PDS5A: variants seen among roughly 807,000 people sequenced by gnomAD.
The protein encoded by PDS5A is sister chromatid cohesion protein PDS5 homolog A.
In PDS5A, 42 loss-of-function variants were observed where a neutral mutation model predicts 167.1. The observed-to-expected ratio is 0.25, with a 90% CI of 0.20 to 0.33. PDS5A has a LOEUF of 0.33. Ranked by LOEUF, PDS5A falls within the 10% of genes least tolerant of loss-of-function variation. PDS5A has a pLI of 1.00. For missense variants in PDS5A, 1,033 were observed against 1,605.9 expected, an observed-to-expected ratio of 0.64 and a Z score of 6.10; for synonymous variants, 553 against 554.6, an observed-to-expected ratio of 1.00 and a Z score of 0.04.
intron 2 of PDS5A, among the ~76,000 whole-genome samples, chr4:39,942,723 C>G (rs1307970987): frequency 6.6e-6 from 1 of 152,118 alleles, no homozygotes; most frequent in Non-Finnish European, 1.5e-5. Context: ...ACTACACCGT[C>G]AACTTCCTCT....
intron 8 of PDS5A, among the ~76,000 whole-genome samples, chr4:39,916,123 G>A (rs1724348438): frequency 6.6e-6 from 1 of 151,820 alleles, no homozygotes; most frequent in Non-Finnish European, 1.5e-5. Context: ...TGTAGTCCCA[G>A]CTCCTCAAGA....
intron 8 of PDS5A, 89 bp downstream of exon 8, chr4:39,916,959 A>T: frequency 1.6e-6 from 1 of 644,340 alleles, no homozygotes; most frequent in Non-Finnish European, 2.4e-6. Flanking sequence ...TGGAAAGTTT[A>T]AAGGGCATGA....
intron 5 of PDS5A, among the ~76,000 whole-genome samples, chr4:39,923,648 C>CAA (rs2109722734): frequency 4.0e-5 from 6 of 151,348 alleles, no homozygotes; most frequent in African/African-American, 1.5e-4. Context: ...AACACACACA[C>CAA]ACACACACAC....
At chr4:39,825,584 C>CA in intron 32 of PDS5A, 96 bp from the exon 33 acceptor site, 3 of 674,510 alleles carry the variant, frequency 4.4e-6, no homozygotes, top group Non-Finnish European at 6.8e-6. Context: ...TATCTAAAAT[C>CA]TTTTTTTTTT....
chr4:39,902,615 C>T (rs1034929010), intron 12 of PDS5A, among the ~76,000 whole-genome samples, 155 bp from the exon 13 acceptor site: 2 of 151,484 alleles, frequency 1.3e-5, no homozygotes. Context: ...CTCTGTCTCG[C>T]AGGTTCAAGC....
chr4:39,877,787 T>C (rs1050186566), intron 18 of PDS5A, among the ~76,000 whole-genome samples: 3 of 152,074 alleles, frequency 2.0e-5, no homozygotes, highest in African/African-American at 7.2e-5. Flanking sequence ...TTGTTTTTTT[T>C]GTAGAGATGA....
At chr4:39,869,269 A>T in intron 22 of PDS5A, 125 bp downstream of exon 22, 1 of 696,882 alleles carries the variant, frequency 1.4e-6, no homozygotes, top group Non-Finnish European at 2.6e-6. Flanking sequence ...CCAGGAGTTC[A>T]AGACCAAACT....
chr4:39,928,061 T>C lies in PDS5A; in HGVS notation c.242A>G (p.Asn81Ser), dbSNP rs1249789969. Residue 81 changes from asparagine (N) to serine (S), a missense_variant, in exon 3 of 33, where the codon AAC becomes AGC. Transcript: ENST00000303538. ...AAGGAGACGCACATCTTTATTGGGG[T>C]TCCTGAGGAAGAATTCAGATGCAAG... ...LHLASEFFLR[N>S]PNKDVRLLVA... The C allele has an allele frequency of 6.2e-7, 1 of 1,613,246 alleles. No homozygotes were observed. Among genetic ancestry groups the C allele is most frequent in the East Asian group, 2.2e-5 (1 of 44,850 alleles).
chr4:39,898,614 T>C, intron 15 of PDS5A, 86 bp from the exon 16 acceptor site: 1 of 998,094 alleles, frequency 1.0e-6, no homozygotes, highest in Non-Finnish European at 1.4e-6. Context: ...ATCAAAATAT[T>C]GCGGAGCCAC....
Position 39,838,158 on chromosome 4 carries a change from T to C in PDS5A, c.3708A>G (p.Gly1236=). 1 of 1,613,080 alleles carries C rather than the reference T, an allele frequency of 6.2e-7. No homozygotes were observed. The change falls in exon 32 of 33, where the codon GGA becomes GGG. Residue 1236 remains glycine (G), a synonymous_variant. Transcript: ENST00000303538. ...ATQGNISSDR[G]KKRTVTAAGA... is the part of the protein sequence containing the mutation. ...CAGCTGCTGTTACTGTTCTTTTCTT[T>C]CCTCGGTCACTGCTGATGTTGCCCT...
chr4:39,862,812 T>A, intron 25 of PDS5A, 57 bp downstream of exon 25: 1 of 1,139,450 alleles, frequency 8.8e-7, no homozygotes, highest in Non-Finnish European at 1.3e-6. Flanking sequence ...AAAAAAAACC[T>A]AAAAATGGAT....
At chr4:39,850,643 T>A (rs998608766) in intron 26 of PDS5A, among the ~76,000 whole-genome samples, 1 of 152,208 alleles carries the variant, frequency 6.6e-6, no homozygotes, top group South Asian at 2.1e-4. Flanking sequence ...CAAGTCTAAG[T>A]TGCATGTATT....
At chr4:39,951,744 C>A (rs1411145704) in intron 2 of PDS5A, among the ~76,000 whole-genome samples, 1 of 151,684 alleles carries the variant, frequency 6.6e-6, no homozygotes, top group Non-Finnish European at 1.5e-5. Flanking sequence ...ACTAAAAATA[C>A]AAAAAATTAG....
At chr4:39,833,942 A>G (rs1279856614) in intron 32 of PDS5A, among the ~76,000 whole-genome samples, 1 of 152,236 alleles carries the variant, frequency 6.6e-6, no homozygotes, top group Non-Finnish European at 1.5e-5. Flanking sequence ...ACAAGAGCAG[A>G]GCTTTGGATA....
intron 14 of PDS5A, among the ~76,000 whole-genome samples, chr4:39,899,930 T>C (rs139109602): frequency 4.0e-5 from 6 of 151,336 alleles, no homozygotes; most frequent in African/African-American, 1.5e-4. Flanking sequence ...GGTCTGTTTA[T>C]ATGGTCCCCT....
intron 16 of PDS5A, among the ~76,000 whole-genome samples, chr4:39,894,703 C>T (rs1722243450): frequency 6.6e-6 from 1 of 152,170 alleles, no homozygotes; most frequent in African/African-American, 2.4e-5. Context: ...ACTCTAATCC[C>T]TTCTAGAACA....
rs763220950 is a variant in PDS5A, at chr4:39,838,228, T to C, written c.3658-20A>G. 6.3e-6 allele frequency: 9 copies of C among 1,434,136 alleles called. No homozygotes were observed. The African/African-American group carries it at 1.3e-4, about 20-fold the overall frequency. 88.8% of individuals were successfully genotyped at this position (1,434,136 alleles called of 1,614,324 possible). On this transcript the variant is annotated intron_variant, in intron 31 of 32. Coordinates refer to ENST00000303538, the MANE Select transcript of PDS5A (RefSeq NM_001100399.2). ...AATTTCCTAAAAAAGCACAAAACAA[T>C]TCTATAAACACAAATTCCTTAAATA...
At position 39,968,344 on chromosome 4, in the gene PDS5A, A is replaced by AT. The variant is rs1730175112; in HGVS notation, c.138+8095dup. Among the ~76,000 whole-genome samples, 4 of 134,322 alleles carry AT rather than the reference A, an allele frequency of 3.0e-5. No homozygotes were observed. The South Asian group carries it at 9.7e-4, about 32-fold the overall frequency. 88.1% of individuals were successfully genotyped at this position (134,322 alleles called of 152,430 possible). On this transcript the variant is annotated intron_variant, in intron 2 of 32. Transcript: ENST00000303538. ...CTATATGGGAGGATGGCTATTTGTGATTCTTTTTTTTTTTTTTTGAGATGG... is the reference window on the plus strand; with the variant it reads ...CTATATGGGAGGATGGCTATTTGTGATTTCTTTTTTTTTTTTTTTGAGATGG...
intron 17 of PDS5A, among the ~76,000 whole-genome samples, chr4:39,883,875 C>G (rs1721176765): frequency 6.6e-6 from 1 of 151,946 alleles, no homozygotes; most frequent in Admixed American, 6.6e-5. Flanking sequence ...AGTGATCCAC[C>G]CACCTCCGCC....
Sources: gnomAD v4.1 joint callset for allele counts (sites outside exome capture counted in the v4.1 genomes callset) on GRCh38, gnomAD v4.1.1 for gene constraint, MANE v1.5 for transcripts, NCBI Gene and HGNC (gene_info 2026-07-23, HGNC 2026-07-21) for gene names.